TRPM3: variants seen among roughly 807,000 people sequenced by gnomAD.
TRPM3 encodes the protein transient receptor potential cation channel subfamily M member 3, also known as long transient receptor potential channel 3.
Under a neutral mutation model 181.2 loss-of-function variants are expected in TRPM3, and 77 were observed. The observed-to-expected ratio is 0.42, with a 90% CI of 0.35 to 0.51. The LOEUF (loss-of-function observed/expected upper bound fraction) is 0.51. Among genes scored for constraint, TRPM3 ranks in the 20% least tolerant of loss-of-function variants. TRPM3 has a pLI of 0.01. For synonymous variants in TRPM3, 745 were observed against 796.4 expected (o/e 0.94, Z 1.09); for missense variants, 1,759 against 2,196.7 (o/e 0.80, Z 3.98).
At chr9:70,915,369 C>T (rs2096581609) in intron 1 of TRPM3, among the ~76,000 whole-genome samples, 1 of 152,032 alleles carries the variant, frequency 6.6e-6, no homozygotes, top group Non-Finnish European at 1.5e-5. Flanking sequence ...CCAATCTCGG[C>T]TCACTGCAAG....
upstream of TRPM3, among the ~76,000 whole-genome samples, chr9:71,125,089 T>C (rs1192588605): frequency 1.3e-5 from 2 of 152,298 alleles, no homozygotes; most frequent in East Asian, 3.9e-4. Flanking sequence ...TGGTGAGCCT[T>C]TGTAGACACT....
intron 6 of TRPM3, among the ~76,000 whole-genome samples, chr9:70,818,313 A>T (rs2092878774): frequency 6.6e-6 from 1 of 152,224 alleles, no homozygotes; most frequent in Non-Finnish European, 1.5e-5. Context: ...AATTCTCAGT[A>T]ATTTATAGAT....
At chr9:70,963,399 A>G (rs2097156265) in intron 1 of TRPM3, among the ~76,000 whole-genome samples, 1 of 152,176 alleles carries the variant, frequency 6.6e-6, no homozygotes, top group Non-Finnish European at 1.5e-5. Flanking sequence ...ATACAAATAT[A>G]GTTTTTAAAG....
intron 14 of TRPM3, among the ~76,000 whole-genome samples, chr9:70,622,476 T>C (rs2063773089): frequency 6.6e-6 from 1 of 152,274 alleles, no homozygotes; most frequent in African/African-American, 2.4e-5. Context: ...CCTGTGCTGC[T>C]GCACATCAGG....
In TRPM3 at chr9:70,930,651, G is replaced by A. The variant is rs550913316; in HGVS notation, c.178-66140C>T. Among the ~76,000 whole-genome samples the A allele has an allele frequency of 1.6e-3, 242 of 152,280 alleles. 1 individual carries two copies. The highest frequency in any genetic ancestry group is 5.5e-3 in the African/African-American group (227 of 41,562). ...CAGGCATTATGGCATAAGATGTAGG[G>A]TTATCAAGAAGCAATGGATGTCTTG... On this transcript the variant is annotated intron_variant, in intron 1 of 25. Coordinates refer to ENST00000677713, the MANE Select transcript of TRPM3 (RefSeq NM_001366145.2).
chr9:70,685,374 GA>G (rs1360889235), intron 8 of TRPM3, among the ~76,000 whole-genome samples: 1 of 135,858 alleles, frequency 7.4e-6, no homozygotes, highest in African/African-American at 2.6e-5. Context: ...TCATTTCAAA[GA>G]ATCAGTTTTT....
At chr9:70,892,754 T>C (rs531842959) in intron 1 of TRPM3, among the ~76,000 whole-genome samples, 24 of 152,284 alleles carry the variant, frequency 1.6e-4, no homozygotes, top group Non-Finnish European at 2.8e-4. Flanking sequence ...TAATTCTCAA[T>C]CAATACTTTA....
intron 8 of TRPM3, among the ~76,000 whole-genome samples, chr9:70,683,656 G>A (rs182453861): frequency 6.6e-6 from 1 of 152,040 alleles, no homozygotes; most frequent in East Asian, 1.9e-4. Flanking sequence ...GGTAAGGGCC[G>A]TCAGGTAGAG....
intron 5 of TRPM3, among the ~76,000 whole-genome samples, chr9:70,830,043 A>G (rs2093794696): frequency 6.6e-6 from 1 of 152,202 alleles, no homozygotes; most frequent in East Asian, 1.9e-4. Context: ...CTTTTCTAGT[A>G]GCAGTTCCTG....
chr9:71,342,807 G>A (rs530934285), intron 1 of TRPM3, among the ~76,000 whole-genome samples: 2 of 152,214 alleles, frequency 1.3e-5, no homozygotes, highest in Admixed American at 6.5e-5. Context: ...AAATTGGAAT[G>A]AGCCAAAATG....
chr9:71,055,701 G>C (rs2060582879), intron 1 of TRPM3, among the ~76,000 whole-genome samples: 1 of 152,126 alleles, frequency 6.6e-6, no homozygotes, highest in Non-Finnish European at 1.5e-5. Flanking sequence ...CTTTATGCCA[G>C]TTCCTTAAAG....
chr9:71,132,056 C>T (rs2074405713), intron 1 of TRPM3, among the ~76,000 whole-genome samples: 1 of 152,196 alleles, frequency 6.6e-6, no homozygotes, highest in South Asian at 2.1e-4. Context: ...AATTACCTAT[C>T]AGCCATTTTA....
intron 1 of TRPM3, among the ~76,000 whole-genome samples, chr9:71,021,305 C>A (rs2097845239): frequency 6.6e-6 from 1 of 152,142 alleles, no homozygotes; most frequent in African/African-American, 2.4e-5. Flanking sequence ...ACTTATTAAG[C>A]TATGCAGATA....
intron 1 of TRPM3, among the ~76,000 whole-genome samples, chr9:70,877,804 A>ACACACACACACACACACACAC (rs2095895292): frequency 2.1e-5 from 3 of 146,112 alleles, no homozygotes; most frequent in Non-Finnish European, 4.5e-5. Context: ...AAAATCATAA[A>ACACACACACACACACACACAC]ACACACACAC....
intron 1 of TRPM3, among the ~76,000 whole-genome samples, chr9:71,042,060 C>T (rs921801667): frequency 1.3e-5 from 2 of 152,098 alleles, no homozygotes; most frequent in Non-Finnish European, 2.9e-5. Context: ...ATCTTCCATG[C>T]GAGAGACATT....
intron 1 of TRPM3, among the ~76,000 whole-genome samples, chr9:71,168,203 A>G (rs1160310010): frequency 6.6e-6 from 1 of 152,162 alleles, no homozygotes; most frequent in Non-Finnish European, 1.5e-5. Context: ...GCCACCAGAC[A>G]CTTCTGTTTC....
At chr9:71,345,037 G>C (rs904637674) in intron 1 of TRPM3, among the ~76,000 whole-genome samples, 1 of 152,214 alleles carries the variant, frequency 6.6e-6, no homozygotes, top group African/African-American at 2.4e-5. Context: ...AAACCACAAT[G>C]AGATACCATC....
intron 6 of TRPM3, among the ~76,000 whole-genome samples, chr9:70,800,862 G>A (rs1410986539): frequency 2.6e-5 from 4 of 152,048 alleles, no homozygotes; most frequent in African/African-American, 9.7e-5. Flanking sequence ...ACCCTCTAAG[G>A]GCAGCATTGT....
At chr9:71,065,311 C>T (rs1356458091) in intron 1 of TRPM3, among the ~76,000 whole-genome samples, 1 of 152,234 alleles carries the variant, frequency 6.6e-6, no homozygotes, top group African/African-American at 2.4e-5. Flanking sequence ...TTTAAAGTTC[C>T]TTTAGCGTTA....
Sources: allele counts gnomAD v4.1 joint callset (sites outside exome capture counted in the v4.1 genomes callset), GRCh38; gene constraint gnomAD v4.1.1; transcripts MANE v1.5; gene names NCBI Gene and HGNC (gene_info 2026-07-23, HGNC 2026-07-21).